The following PRKCE variants were observed in gnomAD, a reference collection of about 807,000 sequenced individuals.
PRKCE encodes protein kinase C epsilon type.
Under a neutral mutation model 85.4 loss-of-function variants are expected in PRKCE, and 16 were observed. The ratio of observed to expected loss-of-function variants is 0.19; its 90% CI spans 0.13 to 0.28. The LOEUF is 0.28. Ranked by LOEUF, PRKCE falls within the 10% of genes least tolerant of loss-of-function variation. The pLI is 1.00. For synonymous variants in PRKCE, 388 were observed against 371.5 expected (o/e 1.04, Z -0.51); for missense variants, 573 against 975.2 (o/e 0.59, Z 5.49).
At chr2:45,782,669 T>G (rs1686283311) in intron 1 of PRKCE, among the ~76,000 whole-genome samples, 1 of 152,182 alleles carries the variant, frequency 6.6e-6, no homozygotes, top group African/African-American at 2.4e-5. Flanking sequence ...TTTTATGAAC[T>G]GTCCACTTTT....
chr2:45,712,642 C>A (rs1296517026), intron 1 of PRKCE, among the ~76,000 whole-genome samples: 18 of 152,202 alleles, frequency 1.2e-4, no homozygotes, highest in Admixed American at 1.2e-3. Context: ...ATCTGCTACA[C>A]CTCTGGGGCC....
chr2:45,895,994 C>T lies in PRKCE; in HGVS notation c.412+52931C>T, dbSNP rs143569930. On this transcript the variant is annotated intron_variant, in intron 2 of 14. Coordinates refer to ENST00000306156, the MANE Select transcript of PRKCE (RefSeq NM_005400.3). This position sits in a 1 kb window ranked among gnomAD's most constrained non-coding sequence, Gnocchi z 4.8. ...CTTCAGGTAGAGCGTGGGCACTGCA[C>T]AATGGTTGTCCTGGATGCGCAGGAG... Among the ~76,000 whole-genome samples, 254 of 152,296 alleles carry T rather than the reference C, an allele frequency of 1.7e-3. 1 individual carries two copies. The highest frequency in any genetic ancestry group is 5.7e-3 in the African/African-American group (238 of 41,558).
At chr2:45,712,313 A>G (rs1679730944) in intron 1 of PRKCE, among the ~76,000 whole-genome samples, 2 of 151,722 alleles carry the variant, frequency 1.3e-5, no homozygotes, top group Admixed American at 1.3e-4. Flanking sequence ...ACGCCCAGCT[A>G]CAGCTAATTT....
At chr2:45,980,479 G>C (rs7557421) in intron 5 of PRKCE, 98 bp downstream of exon 5, 2 of 1,120,068 alleles carry the variant, frequency 1.8e-6, no homozygotes, top group South Asian at 1.3e-5. Flanking sequence ...CTCTGCCTGA[G>C]ACCCTGTCAT....
At chr2:45,683,718 T>C (rs1677077654) in intron 1 of PRKCE, among the ~76,000 whole-genome samples, 1 of 152,192 alleles carries the variant, frequency 6.6e-6, no homozygotes, top group Admixed American at 6.5e-5. Flanking sequence ...TGGAACTGTA[T>C]ACTGATGACA....
chr2:45,659,837 CTTTT>C (rs539573873), intron 1 of PRKCE, among the ~76,000 whole-genome samples: 1 of 143,432 alleles, frequency 7.0e-6, no homozygotes, highest in African/African-American at 2.6e-5. Flanking sequence ...CCTTTCCTGC[CTTTT>C]TTTTTTTTTA....
chr2:45,653,785 C>T (rs372180209), intron 1 of PRKCE, among the ~76,000 whole-genome samples: 24 of 152,262 alleles, frequency 1.6e-4, no homozygotes, highest in East Asian at 1.2e-3. Context: ...AAGCCACATG[C>T]GTAGAACTCT....
intron 2 of PRKCE, among the ~76,000 whole-genome samples, chr2:45,871,203 T>C (rs2105750057): frequency 6.6e-6 from 1 of 152,310 alleles, no homozygotes; most frequent in South Asian, 2.1e-4. Context: ...GGTGGCCTGG[T>C]CTGTTAGTCC....
chr2:46,067,089 G>C (rs1259531068), intron 10 of PRKCE, among the ~76,000 whole-genome samples: 1 of 152,220 alleles, frequency 6.6e-6, no homozygotes, highest in Non-Finnish European at 1.5e-5. Context: ...TAAATAGGTA[G>C]TTGTTACTGC....
intron 14 of PRKCE, among the ~76,000 whole-genome samples, chr2:46,162,165 C>A (rs1473011100): frequency 6.6e-6 from 1 of 152,120 alleles, no homozygotes; most frequent in Non-Finnish European, 1.5e-5. Flanking sequence ...TGGGAGCCAG[C>A]AGGAGGAAAT....
intron 11 of PRKCE, among the ~76,000 whole-genome samples, chr2:46,117,611 T>G (rs538819108): frequency 6.6e-5 from 10 of 152,206 alleles, no homozygotes; most frequent in Non-Finnish European, 1.5e-4. Flanking sequence ...GGATCCTCCC[T>G]TCACATGTGG....
At chr2:46,127,378 G>T (rs1673965427) in intron 11 of PRKCE, among the ~76,000 whole-genome samples, 1 of 152,192 alleles carries the variant, frequency 6.6e-6, no homozygotes, top group Non-Finnish European at 1.5e-5. Flanking sequence ...ATAAAAGAGA[G>T]AGCACGCCCT....
At chr2:45,703,927 T>G (rs772611410) in intron 1 of PRKCE, among the ~76,000 whole-genome samples, 4 of 152,228 alleles carry the variant, frequency 2.6e-5, no homozygotes, top group African/African-American at 9.6e-5. Context: ...ATGACAAATA[T>G]GTCTCCAAAT....
chr2:46,153,040 C>T (rs537620889), intron 13 of PRKCE, among the ~76,000 whole-genome samples: 7 of 152,224 alleles, frequency 4.6e-5, no homozygotes, highest in Non-Finnish European at 8.8e-5. Context: ...TCTCCTCCCT[C>T]TCTCTTTCAT....
Position 45,686,003 on chromosome 2 carries a change from C to T in PRKCE, c.348+33555C>T, listed in dbSNP as rs549533906. ...TAAAATTTAAGTATAGGAGATTTTG[C>T]ATCAATCATATAGAATCACATATGG... is the stretch of plus-strand genomic sequence containing the variant. On this transcript the variant is annotated intron_variant, in intron 1 of 14. Coordinates refer to ENST00000306156, the MANE Select transcript of PRKCE (RefSeq NM_005400.3). 2.6e-5 allele frequency among the ~76,000 whole-genome samples: 4 copies of T among 152,204 alleles called. No homozygotes were observed. The East Asian group carries it at 7.7e-4, about 29-fold the overall frequency.
intron 1 of PRKCE, among the ~76,000 whole-genome samples, chr2:45,733,394 C>T (rs1375410668): frequency 6.6e-6 from 1 of 152,234 alleles, no homozygotes; most frequent in African/African-American, 2.4e-5. Flanking sequence ...GATAAGGTCT[C>T]TGTCCTCATG....
At chr2:46,147,087 G>T (rs899726152) in intron 12 of PRKCE, among the ~76,000 whole-genome samples, 1 of 152,168 alleles carries the variant, frequency 6.6e-6, no homozygotes, top group African/African-American at 2.4e-5. Context: ...GGAACATCTC[G>T]AAGTGAAGGT....
intron 14 of PRKCE, among the ~76,000 whole-genome samples, chr2:46,178,604 A>G (rs1679668453): frequency 6.6e-6 from 1 of 152,232 alleles, no homozygotes; most frequent in Non-Finnish European, 1.5e-5. Flanking sequence ...ATATGTATCT[A>G]TATGAGGATC....
intron 2 of PRKCE, among the ~76,000 whole-genome samples, chr2:45,873,692 G>A (rs138392072): frequency 1.1e-4 from 17 of 152,246 alleles, no homozygotes; most frequent in African/African-American, 3.6e-4. Flanking sequence ...CACTCCTCCC[G>A]GAGATCTTTG....
Sources: gnomAD v4.1 joint callset for allele counts (sites outside exome capture counted in the v4.1 genomes callset) on GRCh38, gnomAD v4.1.1 for gene constraint, Gnocchi (gnomAD v3.1) non-coding constraint, MANE v1.5 for transcripts, NCBI Gene and HGNC (gene_info 2026-07-23, HGNC 2026-07-21) for gene names.